PSME3IP1: variants seen among roughly 807,000 people sequenced by gnomAD.
PSME3IP1 encodes the protein proteasome activator subunit 3 interacting protein 1.
In PSME3IP1, 13 loss-of-function variants were observed where a neutral mutation model predicts 34.1. The ratio of observed to expected loss-of-function variants is 0.38; its 90% CI spans 0.25 to 0.61. The LOEUF is 0.61. Ranked by LOEUF, PSME3IP1 falls within the 20% of genes least tolerant of loss-of-function variation. PSME3IP1 has a pLI of 0.60. For synonymous variants in PSME3IP1, 93 were observed against 114.3 expected (o/e 0.81, Z 1.19); for missense variants, 237 against 301.4 (o/e 0.79, Z 1.58).
chr16:57,184,254 AG>A, intron 1 of PSME3IP1, among the ~76,000 whole-genome samples: 1 of 151,742 alleles, frequency 6.6e-6, no homozygotes, highest in Non-Finnish European at 1.5e-5. Flanking sequence ...AAAAAAAAAA[AG>A]AGAAACAATG....
At chr16:57,168,803 CAAAAAAAAAAAAAAA>C (rs1189721344) in intron 4 of PSME3IP1, among the ~76,000 whole-genome samples, 1 of 23,902 alleles carries the variant, frequency 4.2e-5, no homozygotes, top group Middle Eastern at 0.036. Flanking sequence ...AACTCTGTCT[CAAAAAAAAAAAAAAA>C]AAAAAAAAAA....
At chr16:57,159,559 G>C (rs898779619) in intron 6 of PSME3IP1, among the ~76,000 whole-genome samples, 2 of 152,172 alleles carry the variant, frequency 1.3e-5, no homozygotes, top group East Asian at 3.9e-4. Context: ...AGGGGCCCAA[G>C]ACGGAAATCC....
chr16:57,171,631 C>G (rs559344696), intron 4 of PSME3IP1, among the ~76,000 whole-genome samples: 1 of 152,196 alleles, frequency 6.6e-6, no homozygotes, highest in East Asian at 1.9e-4. Context: ...GGCCCAGGCA[C>G]CTGGAGGCAT....
Position 57,163,986 on chromosome 16 carries a change from A to C in PSME3IP1, c.547+15T>G. On this transcript the variant is annotated intron_variant, in intron 6 of 6. Coordinates refer to ENST00000309137, the MANE Select transcript of PSME3IP1 (RefSeq NM_024946.4). ...GTATTCTGAGTACAAGGAAGTAATGAAGGCTGCCACCCACCTTGATTCTTG... is the reference window on the plus strand; with the variant it reads ...GTATTCTGAGTACAAGGAAGTAATGCAGGCTGCCACCCACCTTGATTCTTG... 1 of 1,613,610 alleles carries C rather than the reference A, an allele frequency of 6.2e-7. No individual in the cohort carries two copies. The highest frequency in any genetic ancestry group is 8.5e-7 in the Non-Finnish European group (1 of 1,179,510).
At chr16:57,174,452 T>C (rs930364117) in intron 1 of PSME3IP1, 3 of 985,336 alleles carry the variant, frequency 3.0e-6, no homozygotes, top group Non-Finnish European at 2.4e-6. Flanking sequence ...TGGTGTTCCA[T>C]AGTAAATCTC....
At position 57,152,553 on chromosome 16, in the gene PSME3IP1, A is replaced by G. The variant is rs1366493024; in HGVS notation, c.*1737T>C. 1 of 152,566 alleles carries G rather than the reference A, an allele frequency of 6.6e-6. No homozygotes were observed. The highest frequency in any genetic ancestry group is 1.5e-5 in the Non-Finnish European group (1 of 68,044). 9.5% of individuals were successfully genotyped at this position (152,566 alleles called of 1,614,324 possible). A position where few individuals can be genotyped will look rare whatever the true frequency, so the allele number is the denominator to read the frequency against. On this transcript the variant is annotated 3_prime_UTR_variant, in exon 7 of 7. Coordinates refer to ENST00000309137, the MANE Select transcript of PSME3IP1 (RefSeq NM_024946.4). The stretch of plus-strand genomic sequence containing the variant: ...TCTGTCAACTTCTTTCCACATCAAG[A>G]GGCCATGAGATACAGTAATGGCCTC...
Position 57,185,769 on chromosome 16 carries a change from G to C in PSME3IP1, c.-16+52C>G, listed in dbSNP as rs532120877. On this transcript the variant is annotated intron_variant, in intron 1 of 6. Coordinates refer to ENST00000309137, the MANE Select transcript of PSME3IP1 (RefSeq NM_024946.4). ...CAGCCGCAGCTCATCTCTTCCGTAA[G>C]GAAGCTGGAACCCAGGTGTCGCCGC... is the stretch of plus-strand genomic sequence containing the variant. 18 of 985,478 alleles carry C rather than the reference G, an allele frequency of 1.8e-5. No individual in the cohort carries two copies. The Admixed American group carries it at 8.6e-4, about 47-fold the overall frequency. 61.0% of individuals were successfully genotyped at this position (985,478 alleles called of 1,614,324 possible). A position where few individuals can be genotyped will look rare whatever the true frequency, so the allele number is the denominator to read the frequency against.
chr16:57,178,349 CCTTT>C (rs778296886), intron 1 of PSME3IP1, among the ~76,000 whole-genome samples: 18 of 152,312 alleles, frequency 1.2e-4, no homozygotes, highest in Admixed American at 9.8e-4. Context: ...GTATTTCCTT[CCTTT>C]GTGTTCCTGC....
rs2071974501 is a variant in PSME3IP1 at position 57,167,107 on chromosome 16, A to G, written c.468T>C (p.Ala156=). The change falls in exon 5 of 7, where the codon GCT becomes GCC. Residue 156 remains alanine (A), a synonymous_variant. Transcript: ENST00000309137. The part of the protein sequence containing the change: ...KFSQAKLLAG[A]VKHKSSESGN... ...TGCTGACTAACCTCTTATGCTTCAC[A>G]GCTCCTGCCAACAGCTTCGCCTGGG... 1.2e-6 allele frequency: 2 copies of G among 1,613,762 alleles called. No homozygotes were observed. Among genetic ancestry groups the G allele is most frequent in the Non-Finnish European group, 1.7e-6 (2 of 1,180,032 alleles).
intron 4 of PSME3IP1, among the ~76,000 whole-genome samples, chr16:57,167,908 A>G (rs2072085318): frequency 6.6e-6 from 1 of 152,224 alleles, no homozygotes; most frequent in Non-Finnish European, 1.5e-5. Context: ...CTGAAAAGCT[A>G]TTTTTAAAAG....
At chr16:57,162,417 C>A (rs1208227908) in intron 6 of PSME3IP1, among the ~76,000 whole-genome samples, 1 of 152,070 alleles carries the variant, frequency 6.6e-6, no homozygotes, top group Non-Finnish European at 1.5e-5. Flanking sequence ...GTAATCCCAG[C>A]ACTTTGGGAG....
intron 1 of PSME3IP1, among the ~76,000 whole-genome samples, chr16:57,176,445 T>C (rs937666557): frequency 1.3e-5 from 2 of 152,214 alleles, no homozygotes; most frequent in Non-Finnish European, 2.9e-5. Flanking sequence ...CCAACTCATA[T>C]ATTAAAACTT....
At chr16:57,175,009 A>G (rs1486452811) in intron 1 of PSME3IP1, 2 of 147,884 alleles carry the variant, frequency 1.4e-5, no homozygotes, top group African/African-American at 5.0e-5. Flanking sequence ...TATATTACTT[A>G]TTACTCCTTT....
intron 1 of PSME3IP1, chr16:57,175,585 T>C (rs1380312226): frequency 5.9e-5 from 9 of 152,234 alleles, no homozygotes; most frequent in Admixed American, 5.9e-4. Context: ...TACATGATCA[T>C]TGACCCTATG....
At chr16:57,166,965 A>T in intron 5 of PSME3IP1, 128 bp downstream of exon 5, 1 of 988,936 alleles carries the variant, frequency 1.0e-6, no homozygotes, top group Non-Finnish European at 1.5e-6. Context: ...AGGGAGAGAT[A>T]GGTGAGCACA....
At chr16:57,159,998 G>A (rs1231263686) in intron 6 of PSME3IP1, among the ~76,000 whole-genome samples, 18 of 152,096 alleles carry the variant, frequency 1.2e-4, no homozygotes, top group African/African-American at 4.1e-4. Flanking sequence ...AAGCAACAAA[G>A]TGAGATCCTA....
In PSME3IP1 at chr16:57,154,284, G is replaced by C. The variant is rs1191985573; in HGVS notation, c.*6C>G. ...GGGAGGAGCTCCCTGTGTAGGGACG[G>C]AGAAACTAGGGGGCCTCGAGGAAGG... is the stretch of plus-strand genomic sequence containing the variant. On this transcript the variant is annotated 3_prime_UTR_variant, in exon 7 of 7. Coordinates refer to ENST00000309137, the MANE Select transcript of PSME3IP1 (RefSeq NM_024946.4). This position sits in a 1 kb window ranked among gnomAD's most constrained non-coding sequence, Gnocchi z 4.0. 1.2e-6 allele frequency: 2 copies of C among 1,613,522 alleles called. No homozygotes were observed. Among genetic ancestry groups the C allele is most frequent in the African/African-American group, 2.7e-5 (2 of 74,922 alleles).
intron 1 of PSME3IP1, among the ~76,000 whole-genome samples, chr16:57,178,225 G>C (rs1017918569): frequency 1.2e-4 from 19 of 152,160 alleles, no homozygotes; most frequent in African/African-American, 4.6e-4. Flanking sequence ...CCTCTGCCAG[G>C]AATGCCCTTG....
chr16:57,179,319 T>G (rs2073483355), intron 1 of PSME3IP1, among the ~76,000 whole-genome samples: 1 of 152,236 alleles, frequency 6.6e-6, no homozygotes, highest in East Asian at 1.9e-4. Flanking sequence ...AGAGTCCAAA[T>G]TGGCACAAAT....
Sources: allele counts gnomAD v4.1 joint callset (sites outside exome capture counted in the v4.1 genomes callset), GRCh38; gene constraint gnomAD v4.1.1; non-coding constraint Gnocchi (gnomAD v3.1); transcripts MANE v1.5; gene names NCBI Gene and HGNC (gene_info 2026-07-23, HGNC 2026-07-21).